ENO4: variants seen among roughly 807,000 people sequenced by gnomAD.
ENO4 encodes 2-phospho-D-glycerate hydro-lyase.
Under a neutral mutation model 63.2 loss-of-function variants are expected in ENO4, and 53 were observed. That is an observed-to-expected ratio of 0.84 (90% CI 0.67 to 1.05). ENO4 has a LOEUF of 1.05. Ranked by LOEUF, ENO4 falls within the 50% of genes least tolerant of loss-of-function variation. ENO4 has a pLI of 0.00. For synonymous variants in ENO4, 266 were observed against 283.8 expected (o/e 0.94, Z 0.63); for missense variants, 719 against 772.0 (o/e 0.93, Z 0.81).
intron 10 of ENO4, among the ~76,000 whole-genome samples, chr10:116,904,776 T>C (rs1465354545): frequency 6.6e-6 from 1 of 152,216 alleles, no homozygotes; most frequent in East Asian, 1.9e-4. Context: ...AACTCTGAAA[T>C]GTGAGTATTG....
intron 13 of ENO4, among the ~76,000 whole-genome samples, chr10:116,880,794 T>C (rs184838228): frequency 6.6e-6 from 1 of 152,334 alleles, no homozygotes; most frequent in Admixed American, 6.5e-5. Flanking sequence ...CTGTTCCACA[T>C]ATCTGATTAT....
chr10:116,881,643 G>A lies in ENO4; in HGVS notation c.1852G>A (p.Ala618Thr), dbSNP rs1314083226. The change falls in exon 14 of 14, where the codon GCC becomes ACC. Residue 618 changes from alanine (A) to threonine (T), a missense_variant. Ala to Thr is a moderately conservative substitution (Grantham distance 58, BLOSUM62 0). Transcript: ENST00000341276. The stretch of plus-strand genomic sequence containing the variant: ...CCCCACACAAGGTGTAGAGGAATCA[G>A]CCGAAACAGGAGCATCCTCTGGATA... ...TFPTQGVEESAETGASSG is the reference protein window; with the variant it reads ...TFPTQGVEESTETGASSG 1 of 1,547,622 alleles carries A rather than the reference G, an allele frequency of 6.5e-7. No individual in the cohort carries two copies.
At chr10:116,889,017 T>C (rs899464076) in intron 10 of ENO4, among the ~76,000 whole-genome samples, 8 of 152,202 alleles carry the variant, frequency 5.3e-5, no homozygotes, top group Non-Finnish European at 1.2e-4. Context: ...TGTAAGCCAG[T>C]CAAACTGCTT....
chr10:116,875,926 T>C, intron 10 of ENO4, 139 bp from the exon 11 acceptor site: 1 of 571,904 alleles, frequency 1.7e-6, no homozygotes, highest in South Asian at 2.9e-5. Flanking sequence ...TACAGGGTCA[T>C]TCAGGAACAG....
intron 10 of ENO4, among the ~76,000 whole-genome samples, chr10:116,905,256 G>C (rs947823540): frequency 5.3e-5 from 8 of 151,262 alleles, no homozygotes; most frequent in Non-Finnish European, 1.0e-4. Context: ...AGCACTTTAA[G>C]GCTGAAACGA....
Position 116,856,602 on chromosome 10 carries a change from G to A in ENO4, c.405G>A (p.Val135=), listed in dbSNP as rs747107212. ...GGGCCAGCGCGGTGAGCACCGCCGT[G>A]CAGTGGGTCAACAGCACCATCACGC... ...AERASAVSTA[V]QWVNSTITHE... is the part of the protein sequence containing the mutation. Residue 135 remains valine, a synonymous_variant, in exon 3 of 14, where the codon GTG becomes GTA. Coordinates refer to ENST00000341276, the MANE Select transcript of ENO4 (RefSeq NM_001242699.2). The A allele has an allele frequency of 6.5e-7, 1 of 1,536,220 alleles. No homozygotes were observed. Among genetic ancestry groups the A allele is most frequent in the Admixed American group, 2.0e-5 (1 of 51,010 alleles).
chr10:116,910,160 G>T (rs1848133114), intron 10 of ENO4, among the ~76,000 whole-genome samples: 1 of 152,284 alleles, frequency 6.6e-6, no homozygotes, highest in Non-Finnish European at 1.5e-5. Flanking sequence ...ATTACAAATA[G>T]TCCATCCTTC....
chr10:116,899,501 G>A (rs1483897049), intron 10 of ENO4, among the ~76,000 whole-genome samples: 1 of 139,154 alleles, frequency 7.2e-6, no homozygotes, highest in Non-Finnish European at 1.5e-5. Flanking sequence ...AGAGTGGCTG[G>A]GGCTGGTGTG....
At chr10:116,891,543 C>T (rs1306363053) in intron 10 of ENO4, among the ~76,000 whole-genome samples, 1 of 152,170 alleles carries the variant, frequency 6.6e-6, no homozygotes, top group East Asian at 1.9e-4. Context: ...TTTATAAAGT[C>T]GTTTCCTGGA....
intron 1 of ENO4, chr10:116,850,109 G>T: frequency 2.9e-6 from 1 of 345,132 alleles, no homozygotes; most frequent in South Asian, 2.5e-5. Flanking sequence ...CCTCAGCTCA[G>T]CTCACCGACC....
At chr10:116,875,561 T>TCACACACACACACA (rs56000218) in intron 10 of ENO4, among the ~76,000 whole-genome samples, 11,726 of 147,904 alleles carry the variant, frequency 0.079, 538 homozygotes, top group South Asian at 0.1. Context: ...TCCAGGCTGG[T>TCACACACACACACA]CACACACACA....
chr10:116,854,890 G>A (rs1199420900), intron 1 of ENO4, among the ~76,000 whole-genome samples: 3 of 139,074 alleles, frequency 2.2e-5, no homozygotes, highest in Admixed American at 7.7e-5. Flanking sequence ...GCAGTGAGCC[G>A]TGATGGTGCC....
intron 10 of ENO4, among the ~76,000 whole-genome samples, chr10:116,893,432 A>C (rs1363005319): frequency 6.6e-6 from 1 of 152,106 alleles, no homozygotes; most frequent in Non-Finnish European, 1.5e-5. Context: ...AGCAGAGCAA[A>C]TCCTTTAATT....
intron 10 of ENO4, among the ~76,000 whole-genome samples, chr10:116,902,156 C>T (rs1484845353): frequency 2.6e-5 from 4 of 152,306 alleles, no homozygotes; most frequent in South Asian, 2.1e-4. Flanking sequence ...ACCAGGACCA[C>T]GCTGAGAAAT....
chr10:116,888,783 C>T (rs1304955112), intron 10 of ENO4, among the ~76,000 whole-genome samples: 4 of 152,182 alleles, frequency 2.6e-5, no homozygotes, highest in African/African-American at 4.8e-5. Flanking sequence ...CACGGACCTT[C>T]CGAGGGTTAA....
chr10:116,871,400 GT>G (rs959650048), intron 9 of ENO4, 108 bp downstream of exon 9: 34 of 1,015,152 alleles, frequency 3.3e-5, no homozygotes, highest in Non-Finnish European at 3.1e-5. Flanking sequence ...AGATCTTATT[GT>G]TTTTTTATTA....
chr10:116,879,762 A>G, intron 12 of ENO4, 107 bp from the exon 13 acceptor site: 2 of 871,092 alleles, frequency 2.3e-6, no homozygotes, highest in South Asian at 3.7e-5. Flanking sequence ...AGTAAGAGAA[A>G]ATCCCAAACA....
Position 116,855,627 on chromosome 10 carries a change from A to T in ENO4, c.170A>T (p.Asn57Ile). The change falls in exon 2 of 14, where the codon AAC becomes ATC. Residue 57 changes from asparagine (N) to isoleucine (I), a missense_variant. Coordinates refer to ENST00000341276, the MANE Select transcript of ENO4 (RefSeq NM_001242699.2). ...QPADVYGHLA[N>I]CFSKLAKPPT... ...GTTCTTTTGTGTGTGTTGAAGGCAA[A>T]CTGCTTTTCTAAACTTGCAAAGCCT... is the stretch of plus-strand genomic sequence containing the variant. 6.5e-7 allele frequency: 1 copy of T among 1,536,138 alleles called. No individual in the cohort carries two copies. Among genetic ancestry groups the T allele is most frequent in the Non-Finnish European group, 8.7e-7 (1 of 1,146,896 alleles).
At chr10:116,849,829 C>A (rs1035571639) in intron 1 of ENO4, 98 bp downstream of exon 1, 133 of 1,343,654 alleles carry the variant, frequency 9.9e-5, no homozygotes, top group Admixed American at 2.0e-4. Flanking sequence ...CTCAGAATCT[C>A]GCATGCCAGC....
Sources: gnomAD v4.1 joint callset for allele counts (sites outside exome capture counted in the v4.1 genomes callset) on GRCh38, gnomAD v4.1.1 for gene constraint, MANE v1.5 for transcripts, NCBI Gene and HGNC (gene_info 2026-07-23, HGNC 2026-07-21) for gene names.